The following EPHA5 variants were observed in gnomAD, a reference collection of about 807,000 sequenced individuals.
EPHA5 encodes EPH receptor A5.
In EPHA5, 60 loss-of-function variants were observed where a neutral mutation model predicts 105.0. The observed-to-expected ratio is 0.57, with a 90% CI of 0.46 to 0.71. The LOEUF is 0.71. Among genes scored for constraint, EPHA5 ranks in the 30% least tolerant of loss-of-function variants. EPHA5 has a pLI of 0.00. For missense variants in EPHA5, 1,218 were observed against 1,274.7 expected (o/e 0.96, Z 0.68); for synonymous variants, 513 against 449.1 (o/e 1.14, Z -1.80).
chr4:65,531,701 G>A (rs1735814508), intron 3 of EPHA5, among the ~76,000 whole-genome samples: 2 of 151,990 alleles, frequency 1.3e-5, no homozygotes, highest in South Asian at 4.2e-4. Flanking sequence ...TTTGCAGAAT[G>A]ACCATGATCC....
rs192414383 is a variant in EPHA5 at position 65,574,371 on chromosome 4, A to G, written c.910+27270T>C. 771 of 851,108 alleles carry G rather than the reference A, an allele frequency of 9.1e-4. 16 individuals are homozygous for G. In the East Asian group the frequency reaches 0.024, roughly 26 times the overall value. 52.7% of individuals were successfully genotyped at this position (851,108 alleles called of 1,614,324 possible). A position where few individuals can be genotyped will look rare whatever the true frequency, so the allele number is the denominator to read the frequency against. ...TTAAATAGCTGACTACAAAAAAAAA[A>G]TAATAATAATAAAAAATAAAAAAAT... On this transcript the variant is annotated intron_variant, in intron 3 of 16. Transcript: ENST00000613740.
At chr4:65,620,220 A>C (rs1007557345) in intron 2 of EPHA5, among the ~76,000 whole-genome samples, 1 of 151,624 alleles carries the variant, frequency 6.6e-6, no homozygotes, top group Admixed American at 6.6e-5. Flanking sequence ...TTTTAACACA[A>C]GTTATCACCA....
chr4:65,464,135 A>G (rs1728382042), intron 5 of EPHA5, among the ~76,000 whole-genome samples: 1 of 151,894 alleles, frequency 6.6e-6, no homozygotes, highest in African/African-American at 2.4e-5. Context: ...ATATAAAAAG[A>G]AACTCCAAGC....
At chr4:65,533,949 A>G (rs1412204376) in intron 3 of EPHA5, among the ~76,000 whole-genome samples, 3 of 134,040 alleles carry the variant, frequency 2.2e-5, no homozygotes, top group Non-Finnish European at 4.9e-5. Context: ...AAATAAATAA[A>G]TAAAAGAAAG....
intron 11 of EPHA5, among the ~76,000 whole-genome samples, chr4:65,357,091 G>T (rs1426565121): frequency 1.3e-5 from 2 of 151,386 alleles, no homozygotes; most frequent in Admixed American, 6.6e-5. Flanking sequence ...AGAAGTAACA[G>T]AAATACATTA....
At chr4:65,608,050 G>C (rs11733708) in intron 2 of EPHA5, among the ~76,000 whole-genome samples, 51,376 of 152,028 alleles carry the variant, frequency 0.34, 8,847 homozygotes, top group African/African-American at 0.38. Context: ...GATGAAGCCA[G>C]GGAGTGGGCG....
intron 11 of EPHA5, 24 bp from the exon 12 acceptor site, chr4:65,353,127 A>G (rs376583751): frequency 3.4e-6 from 5 of 1,471,150 alleles, no homozygotes; most frequent in Non-Finnish European, 3.6e-6. Flanking sequence ...AGAGTGATAT[A>G]ACCTGCTGCT....
intron 7 of EPHA5, among the ~76,000 whole-genome samples, chr4:65,405,619 A>C (rs1195533739): frequency 6.6e-6 from 1 of 152,142 alleles, no homozygotes; most frequent in Admixed American, 6.6e-5. Context: ...ACCAGTAGTT[A>C]GATCCCAATA....
At chr4:65,499,359 A>G (rs529165323) in intron 3 of EPHA5, among the ~76,000 whole-genome samples, 1 of 151,780 alleles carries the variant, frequency 6.6e-6, no homozygotes, top group African/African-American at 2.4e-5. Context: ...TAAGATGCTC[A>G]AAAACAAAGC....
intron 8 of EPHA5, among the ~76,000 whole-genome samples, chr4:65,376,449 T>C (rs1303233364): frequency 6.6e-6 from 1 of 152,042 alleles, no homozygotes; most frequent in African/African-American, 2.4e-5. Context: ...TTCTACTTCA[T>C]TGGCATCAAA....
chr4:65,478,097 A>G (rs1730006149), intron 5 of EPHA5, among the ~76,000 whole-genome samples: 1 of 152,214 alleles, frequency 6.6e-6, no homozygotes, highest in Non-Finnish European at 1.5e-5. Flanking sequence ...CAAACAGCAA[A>G]CGCACAAGGT....
At chr4:65,393,057 A>G (rs1451175) in intron 8 of EPHA5, among the ~76,000 whole-genome samples, 101,186 of 151,954 alleles carry the variant, frequency 0.67, 34,918 homozygotes, top group East Asian at 0.88. Context: ...GGGATTGAGG[A>G]AATTTCTTTT....
In EPHA5 at chr4:65,648,790, C is replaced by A. The variant is rs1481357393; in HGVS notation, c.182-5363G>T. ...CATTTAACTAATCTGTGGGAACAAACCCCAGATATACAGCTGTCCAGCCTC... is the reference window on the plus strand; with the variant it reads ...CATTTAACTAATCTGTGGGAACAAAACCCAGATATACAGCTGTCCAGCCTC... On this transcript the variant is annotated intron_variant, in intron 1 of 16. Coordinates refer to ENST00000613740, the MANE Select transcript of EPHA5 (RefSeq NM_001281766.3). 2.0e-5 allele frequency among the ~76,000 whole-genome samples: 3 copies of A among 152,152 alleles called. No homozygotes were observed. The East Asian group carries it at 5.8e-4, about 29-fold the overall frequency.
At chr4:65,580,693 C>T (rs1376322290) in intron 3 of EPHA5, among the ~76,000 whole-genome samples, 4 of 151,852 alleles carry the variant, frequency 2.6e-5, no homozygotes, top group Admixed American at 6.6e-5. Context: ...TCTCCCTCCT[C>T]CCCTGTCCCT....
intron 5 of EPHA5, among the ~76,000 whole-genome samples, chr4:65,490,170 T>C (rs13109211): frequency 0.38 from 57,492 of 152,100 alleles, 11,521 homozygotes; most frequent in Middle Eastern, 0.52. Flanking sequence ...TTTTGTTTTG[T>C]TTTCCTGTAA....
intron 7 of EPHA5, among the ~76,000 whole-genome samples, chr4:65,407,503 C>T (rs1264081450): frequency 1.3e-5 from 1 of 75,910 alleles, no homozygotes; most frequent in Non-Finnish European, 2.9e-5. Context: ...ATTCAAAAGA[C>T]TGTTAAAATG....
chr4:65,486,930 T>C (rs1730937099), intron 5 of EPHA5, among the ~76,000 whole-genome samples: 2 of 152,146 alleles, frequency 1.3e-5, no homozygotes, highest in African/African-American at 2.4e-5. Flanking sequence ...AGCATATCCT[T>C]GGTGCTCTCA....
At chr4:65,575,232 T>C (rs1057141277) in intron 3 of EPHA5, among the ~76,000 whole-genome samples, 4 of 152,038 alleles carry the variant, frequency 2.6e-5, no homozygotes, top group African/African-American at 9.7e-5. Flanking sequence ...CAGACCACAT[T>C]TTATAGCATT....
chr4:65,505,338 T>G (rs1238546590), intron 3 of EPHA5, among the ~76,000 whole-genome samples: 1 of 152,056 alleles, frequency 6.6e-6, no homozygotes, highest in East Asian at 1.9e-4. Context: ...TGTTTTATTG[T>G]GTCATTTTGG....
Sources: allele counts gnomAD v4.1 joint callset (sites outside exome capture counted in the v4.1 genomes callset), GRCh38; gene constraint gnomAD v4.1.1; transcripts MANE v1.5; gene names NCBI Gene and HGNC (gene_info 2026-07-23, HGNC 2026-07-21).